MSH3: variants seen among roughly 807,000 people sequenced by gnomAD.
MSH3 encodes the protein mutS homolog 3, also known as DNA mismatch repair protein Msh3.
Under a neutral mutation model 123.3 loss-of-function variants are expected in MSH3, and 106 were observed. That is an observed-to-expected ratio of 0.86 (90% CI 0.73 to 1.01). The LOEUF is 1.01. Among genes scored for constraint, MSH3 ranks in the 50% least tolerant of loss-of-function variants. The probability of loss-of-function intolerance (pLI) is 0.00; values close to 1 mark genes in which losing one functional copy is unlikely to be tolerated. For missense variants in MSH3, 1,459 were observed against 1,347.6 expected (o/e 1.08, Z -1.29); for synonymous variants, 515 against 481.4 (o/e 1.07, Z -0.91).
chr5:80,852,433 T>A, intron 20 of MSH3, among the ~76,000 whole-genome samples: 1 of 152,234 alleles, frequency 6.6e-6, no homozygotes, highest in East Asian at 1.9e-4. Flanking sequence ...TGTTCTGTTA[T>A]CAGCCAAAGA....
intron 2 of MSH3, among the ~76,000 whole-genome samples, chr5:80,658,898 GT>G (rs1231536133): frequency 2.0e-5 from 3 of 152,142 alleles, no homozygotes; most frequent in Non-Finnish European, 4.4e-5. Flanking sequence ...TACCTGGCAA[GT>G]TTTTTGTTTT....
At chr5:80,816,851 G>A (rs1225889032) in intron 20 of MSH3, among the ~76,000 whole-genome samples, 1 of 152,228 alleles carries the variant, frequency 6.6e-6, no homozygotes, top group Non-Finnish European at 1.5e-5. Flanking sequence ...ACATTTACTA[G>A]AAGAGGATGT....
intron 17 of MSH3, among the ~76,000 whole-genome samples, chr5:80,786,296 G>A (rs1165136402): frequency 1.3e-5 from 2 of 152,268 alleles, no homozygotes; most frequent in East Asian, 3.9e-4. Context: ...CACAGTTTGA[G>A]TCTAGGCTCA....
chr5:80,744,601 A>G lies in MSH3; in HGVS notation c.1749A>G (p.Pro583=), dbSNP rs1247138685. ...AGTTAAAGAAGTGGGTGACCCAGCC[A>G]CTCCTTAAATTAAGGTAAAAGGAAT... is the stretch of plus-strand genomic sequence containing the variant. ...RRKLKKWVTQ[P]LLKLREINAR... The change falls in exon 12 of 24, where the codon CCA becomes CCG. Residue 583 remains proline, a synonymous_variant. Coordinates refer to ENST00000265081, the MANE Select transcript of MSH3 (RefSeq NM_002439.5). 4 of 1,612,266 alleles carry G rather than the reference A, an allele frequency of 2.5e-6. No individual in the cohort carries two copies.
intron 19 of MSH3, among the ~76,000 whole-genome samples, chr5:80,804,124 G>T (rs1208593325): frequency 1.1e-4 from 16 of 152,086 alleles, no homozygotes; most frequent in African/African-American, 3.9e-4. Context: ...GGATTGCATT[G>T]AATCTACAGA....
intron 8 of MSH3, among the ~76,000 whole-genome samples, chr5:80,724,751 T>C (rs1179202216): frequency 6.6e-6 from 1 of 152,212 alleles, no homozygotes; most frequent in African/African-American, 2.4e-5. Context: ...TGTATTCTGT[T>C]GCTAGATTAT....
chr5:80,739,065 A>G (rs1477314003), intron 10 of MSH3, among the ~76,000 whole-genome samples: 1 of 152,228 alleles, frequency 6.6e-6, no homozygotes, highest in Admixed American at 6.5e-5. Flanking sequence ...ATTCTGAGGT[A>G]TTCTGTTATA....
At chr5:80,750,366 A>G (rs963308315) in intron 12 of MSH3, among the ~76,000 whole-genome samples, 1 of 152,138 alleles carries the variant, frequency 6.6e-6, no homozygotes, top group African/African-American at 2.4e-5. Flanking sequence ...ACAGTGGACA[A>G]GGGTTCCCTT....
chr5:80,839,137 C>T (rs1745569911), intron 20 of MSH3, among the ~76,000 whole-genome samples: 1 of 152,166 alleles, frequency 6.6e-6, no homozygotes, highest in African/African-American at 2.4e-5. Context: ...GAGGCTGAGG[C>T]AGGCGGATCA....
chr5:80,703,892 C>G (rs994989568), intron 8 of MSH3, among the ~76,000 whole-genome samples: 3 of 151,884 alleles, frequency 2.0e-5, no homozygotes, highest in Non-Finnish European at 4.4e-5. Flanking sequence ...TGATTTTGTT[C>G]ATAATCTCAG....
At chr5:80,662,840 A>AAAAT (rs34563417) in intron 2 of MSH3, among the ~76,000 whole-genome samples, 157 of 149,554 alleles carry the variant, frequency 1.0e-3, no homozygotes, top group African/African-American at 3.7e-3. Context: ...AAAAAAAAAA[A>AAAAT]TTTTATTTGG....
rs1296069751 is a variant in MSH3, at chr5:80,665,281, G to T, written c.497G>T (p.Cys166Phe). The T allele has an allele frequency of 6.2e-7, 1 of 1,613,902 alleles. No individual in the cohort carries two copies. The highest frequency in any genetic ancestry group is 8.5e-7 in the Non-Finnish European group (1 of 1,179,966). ...LQERFAVLPK[C>F]TDFDDISLLH... ...GAGAGATTTGCAGTTCTGCCAAAAT[G>T]TACTGATTTTGATGATATCAGTCTT... Residue 166 changes from cysteine (C) to phenylalanine (F), a missense_variant, in exon 3 of 24, where the codon TGT (cysteine) becomes TTT (phenylalanine). Transcript: ENST00000265081.
At chr5:80,819,701 G>C (rs1253324542) in intron 20 of MSH3, among the ~76,000 whole-genome samples, 1 of 151,938 alleles carries the variant, frequency 6.6e-6, no homozygotes, top group Non-Finnish European at 1.5e-5. Context: ...TGGCCAGGCT[G>C]GTTTCAAACT....
chr5:80,808,116 C>G (rs1373411426), intron 19 of MSH3, among the ~76,000 whole-genome samples: 1 of 151,970 alleles, frequency 6.6e-6, no homozygotes, highest in Non-Finnish European at 1.5e-5. Flanking sequence ...TAGGTCATAT[C>G]TTTTTTACAA....
intron 10 of MSH3, among the ~76,000 whole-genome samples, chr5:80,735,892 T>C (rs1028192825): frequency 4.6e-5 from 7 of 152,192 alleles, no homozygotes; most frequent in South Asian, 2.1e-4. Context: ...TTACAGATAA[T>C]GTATACATGC....
intron 20 of MSH3, among the ~76,000 whole-genome samples, chr5:80,825,720 A>ATTC: frequency 6.6e-6 from 1 of 152,364 alleles, no homozygotes; most frequent in Non-Finnish European, 1.5e-5. Context: ...AAAATAGATT[A>ATTC]GAATAAGAAA....
In MSH3 at chr5:80,675,037, C is replaced by CG; in HGVS notation, c.1082_1083insG (p.Asp362Ter). The CG allele has an allele frequency of 6.2e-7, 1 of 1,613,026 alleles. No homozygotes were observed. Among genetic ancestry groups the CG allele is most frequent in the South Asian group, 1.1e-5 (1 of 91,054 alleles). On this transcript the variant is annotated frameshift_variant, in exon 7 of 24. Transcript: ENST00000265081. LOFTEE classifies it high-confidence loss of function. ...GCTGTAAATGTTGATGAGATAATGA[C>CG]TGATACTTCTACCAGCTATCTTCTG...
chr5:80,723,222 A>G (rs1360872691), intron 8 of MSH3, among the ~76,000 whole-genome samples: 2 of 152,218 alleles, frequency 1.3e-5, no homozygotes, highest in Admixed American at 6.5e-5. Context: ...AGCCAAGACA[A>G]TCTTGAAGAG....
chr5:80,865,959 A>T (rs894306333), intron 22 of MSH3, among the ~76,000 whole-genome samples: 2 of 152,214 alleles, frequency 1.3e-5, no homozygotes, highest in Non-Finnish European at 2.9e-5. Flanking sequence ...GTATCTATTA[A>T]TCTGCATCCA....
Sources: gnomAD v4.1 joint callset for allele counts (sites outside exome capture counted in the v4.1 genomes callset) on GRCh38, gnomAD v4.1.1 for gene constraint, MANE v1.5 for transcripts, NCBI Gene and HGNC (gene_info 2026-07-23, HGNC 2026-07-21) for gene names.